The following HCRTR2 variants were observed in gnomAD, a reference collection of about 807,000 sequenced individuals.
HCRTR2 encodes the protein hypocretin receptor 2.
HCRTR2 carries 22 observed loss-of-function variants against 49.0 expected under a neutral mutation model. The observed-to-expected ratio is 0.45, with a 90% CI of 0.32 to 0.64. The LOEUF is 0.64. Ranked by LOEUF, HCRTR2 falls within the 30% of genes least tolerant of loss-of-function variation. The pLI is 0.04. For synonymous variants in HCRTR2, 236 were observed against 205.3 expected, an observed-to-expected ratio of 1.15 and a Z score of -1.28; for missense variants, 491 against 559.4, an observed-to-expected ratio of 0.88 and a Z score of 1.23.
At chr6:55,109,604 C>G (rs987668126) in intron 1 of HCRTR2, among the ~76,000 whole-genome samples, 1 of 151,556 alleles carries the variant, frequency 6.6e-6, no homozygotes, top group African/African-American at 2.4e-5. Flanking sequence ...TAGAATCAAA[C>G]AAATAGAAGA....
intron 1 of HCRTR2, among the ~76,000 whole-genome samples, chr6:55,211,070 G>A (rs553064483): frequency 6.6e-6 from 1 of 152,184 alleles, no homozygotes; most frequent in South Asian, 2.1e-4. Flanking sequence ...ACAGTTACAT[G>A]CTGTACAGGT....
chr6:55,238,196 G>A (rs1337222715), intron 1 of HCRTR2, among the ~76,000 whole-genome samples: 2 of 152,070 alleles, frequency 1.3e-5, no homozygotes, highest in African/African-American at 4.8e-5. Flanking sequence ...AGCTCAGTGA[G>A]CATCCCCAGC....
At chr6:55,179,063 G>A (rs1765087962) in intron 1 of HCRTR2, among the ~76,000 whole-genome samples, 1 of 152,130 alleles carries the variant, frequency 6.6e-6, no homozygotes, top group Admixed American at 6.5e-5. Flanking sequence ...ACCCAAGTTA[G>A]GTGTGTGGAA....
chr6:55,188,882 A>G (rs1765269274), intron 1 of HCRTR2, among the ~76,000 whole-genome samples: 1 of 152,198 alleles, frequency 6.6e-6, no homozygotes, highest in Admixed American at 6.5e-5. Context: ...ATTTTGAGTT[A>G]TTGTTGACAT....
chr6:55,269,055 A>C (rs1766918904), intron 4 of HCRTR2, among the ~76,000 whole-genome samples: 2 of 147,376 alleles, frequency 1.4e-5, no homozygotes, highest in South Asian at 2.2e-4. Context: ...GTGCCACTGC[A>C]CTCCAGCCTG....
chr6:55,168,802 A>G (rs1764910978), intron 1 of HCRTR2, among the ~76,000 whole-genome samples: 1 of 152,050 alleles, frequency 6.6e-6, no homozygotes, highest in African/African-American at 2.4e-5. Flanking sequence ...TGGAATAATA[A>G]TTCATAAAAT....
At chr6:55,189,303 T>C (rs1765276593) in intron 1 of HCRTR2, among the ~76,000 whole-genome samples, 2 of 152,166 alleles carry the variant, frequency 1.3e-5, no homozygotes, top group Non-Finnish European at 2.9e-5. Flanking sequence ...TACCAGACAC[T>C]GGGAAAACAG....
intron 1 of HCRTR2, among the ~76,000 whole-genome samples, chr6:55,136,015 T>G (rs1764429063): frequency 6.6e-6 from 1 of 152,314 alleles, no homozygotes; most frequent in South Asian, 2.1e-4. Context: ...CTTCTCAGTC[T>G]ATTTAATTAA....
At chr6:55,164,804 T>C (rs562399704) in intron 1 of HCRTR2, among the ~76,000 whole-genome samples, 4 of 151,950 alleles carry the variant, frequency 2.6e-5, no homozygotes, top group Middle Eastern at 3.4e-3. Flanking sequence ...AAACATGACC[T>C]TACCAAAGAA....
chr6:55,247,490 C>T (rs1250182858), intron 1 of HCRTR2, among the ~76,000 whole-genome samples: 1 of 152,090 alleles, frequency 6.6e-6, no homozygotes, highest in East Asian at 1.9e-4. Flanking sequence ...TATTTATTCG[C>T]TATGTAAAGA....
intron 1 of HCRTR2, among the ~76,000 whole-genome samples, chr6:55,229,801 T>C (rs1265644430): frequency 2.6e-5 from 4 of 152,202 alleles, no homozygotes; most frequent in Non-Finnish European, 5.9e-5. Flanking sequence ...GAATAGGTTC[T>C]AGAGATCTGC....
intron 1 of HCRTR2, among the ~76,000 whole-genome samples, chr6:55,198,312 C>T (rs969805952): frequency 2.6e-5 from 4 of 152,122 alleles, no homozygotes; most frequent in Admixed American, 6.5e-5. Flanking sequence ...CTAACATTAA[C>T]CCCAAACTTA....
chr6:55,153,537 G>C (rs1764689945), intron 1 of HCRTR2, among the ~76,000 whole-genome samples: 1 of 151,946 alleles, frequency 6.6e-6, no homozygotes, highest in Admixed American at 6.6e-5. Flanking sequence ...TATGCCATCA[G>C]TCATTGATGA....
chr6:55,249,580 T>C (rs1385720947), intron 2 of HCRTR2, among the ~76,000 whole-genome samples: 2 of 152,154 alleles, frequency 1.3e-5, no homozygotes, highest in East Asian at 3.9e-4. Context: ...AAAAACAGTA[T>C]ATTCTCAATA....
chr6:55,133,213 G>C (rs1278802802), intron 1 of HCRTR2, among the ~76,000 whole-genome samples: 1 of 151,758 alleles, frequency 6.6e-6, no homozygotes, highest in Non-Finnish European at 1.5e-5. Flanking sequence ...GTACAGTCTA[G>C]CAAGCCTGAC....
Position 55,282,573 on chromosome 6 carries a change from T to TG in HCRTR2, c.*119_*120insG. 3.0e-6 allele frequency: 2 copies of TG among 663,730 alleles called. No homozygotes were observed. Among genetic ancestry groups the TG allele is most frequent in the Non-Finnish European group, 5.3e-6 (2 of 378,266 alleles). The allele number at this position is 663,730 out of a possible 1,614,324, so 41.1% of individuals were successfully genotyped here. On this transcript the variant is annotated 3_prime_UTR_variant, in exon 7 of 7. Coordinates refer to ENST00000370862, the MANE Select transcript of HCRTR2 (RefSeq NM_001384272.1). ...AAATTACTTGTGGATCTTTTTTTTT[T>TG]TTAATCTATTGCTCTTTGGAAATAA... is the stretch of plus-strand genomic sequence containing the variant.
At chr6:55,218,382 A>G (rs1765829777) in intron 1 of HCRTR2, among the ~76,000 whole-genome samples, 1 of 152,216 alleles carries the variant, frequency 6.6e-6, no homozygotes, top group African/African-American at 2.4e-5. Context: ...ATAGAAAACA[A>G]TAAAATGGCA....
chr6:55,279,565 A>G (rs1026318855), intron 5 of HCRTR2, among the ~76,000 whole-genome samples: 2 of 149,832 alleles, frequency 1.3e-5, no homozygotes, highest in African/African-American at 4.9e-5. Flanking sequence ...TGATACAGAC[A>G]ATCGAAGATG....
chr6:55,150,430 G>A (rs1310295639), intron 1 of HCRTR2, among the ~76,000 whole-genome samples: 2 of 151,864 alleles, frequency 1.3e-5, no homozygotes. Flanking sequence ...CTGCTATACA[G>A]AAGAACCCTG....
Sources: gnomAD v4.1 joint callset for allele counts (sites outside exome capture counted in the v4.1 genomes callset) on GRCh38, gnomAD v4.1.1 for gene constraint, MANE v1.5 for transcripts, NCBI Gene and HGNC (gene_info 2026-07-23, HGNC 2026-07-21) for gene names.